Variants in PIEZO2 observed in about 807,000 individuals in gnomAD.
The protein encoded by PIEZO2 is piezo type mechanosensitive ion channel component 2.
A neutral mutation model predicts 337.3 loss-of-function variants in PIEZO2; 172 were observed. The ratio of observed to expected loss-of-function variants is 0.51; its 90% CI spans 0.45 to 0.58. The LOEUF is 0.58. Ranked by LOEUF, PIEZO2 falls within the 20% of genes least tolerant of loss-of-function variation. The pLI, the probability that PIEZO2 is intolerant of heterozygous loss-of-function variation, is 0.00. For synonymous variants in PIEZO2, 1,251 were observed against 1,228.5 expected, an observed-to-expected ratio of 1.02 and a Z score of -0.38; for missense variants, 3,028 against 3,391.3, an observed-to-expected ratio of 0.89 and a Z score of 2.66.
chr18:10,806,025 T>A (rs1368560890), intron 8 of PIEZO2, among the ~76,000 whole-genome samples: 1 of 152,248 alleles, frequency 6.6e-6, no homozygotes, highest in Non-Finnish European at 1.5e-5. Flanking sequence ...CTGAAGTCAT[T>A]GCTCTATGCT....
intron 7 of PIEZO2, among the ~76,000 whole-genome samples, chr18:10,812,663 T>A (rs1007570838): frequency 6.6e-6 from 1 of 152,094 alleles, no homozygotes; most frequent in Non-Finnish European, 1.5e-5. Context: ...TCTGGGGGCC[T>A]CCATGGACTC....
rs547481051 is a variant in PIEZO2 at position 10,934,330 on chromosome 18, C to T, written c.287-23102G>A. Among the ~76,000 whole-genome samples the T allele has an allele frequency of 3.9e-5, 6 of 152,288 alleles. No individual in the cohort carries two copies. The South Asian group carries it at 1.2e-3, about 32-fold the overall frequency. On this transcript the variant is annotated intron_variant, in intron 3 of 55. Coordinates refer to ENST00000674853, the MANE Select transcript of PIEZO2 (RefSeq NM_001378183.1). ...CATCCAGGAGTGAGGTTAAGTCCCT[C>T]CCTGCAAGTCATCACCAGGCGCAGA...
chr18:10,864,697 A>G lies in PIEZO2; in HGVS notation c.492+6556T>C, dbSNP rs1270927712. On this transcript the variant is annotated intron_variant, in intron 5 of 55. Coordinates refer to ENST00000674853, the MANE Select transcript of PIEZO2 (RefSeq NM_001378183.1). ...GGTCAATCAAGAGCAGTTCACCTAC[A>G]TATCAGTGTGCCCTGGCAAAGCCCC... 3.9e-5 allele frequency among the ~76,000 whole-genome samples: 6 copies of G among 152,254 alleles called. No homozygotes were observed. In the East Asian group the frequency reaches 9.6e-4, roughly 24 times the overall value.
Position 10,856,878 on chromosome 18 carries a change from C to CAAG in PIEZO2, c.703+122_703+123insCTT. ...CATGTGGCCAGTTTTACAAGAGCTA[C>CAAG]AGTTATGATATTCATGTGGTGGAAC... is the stretch of plus-strand genomic sequence containing the variant. On this transcript the variant is annotated intron_variant, in intron 6 of 55. Coordinates refer to ENST00000674853, the MANE Select transcript of PIEZO2 (RefSeq NM_001378183.1). This position sits in a 1 kb window ranked among gnomAD's most constrained non-coding sequence, Gnocchi z 4.7. The CAAG allele has an allele frequency of 1.1e-6, 1 of 908,438 alleles. No homozygotes were observed. Among genetic ancestry groups the CAAG allele is most frequent in the Non-Finnish European group, 1.7e-6 (1 of 603,742 alleles). 56.3% of individuals were successfully genotyped at this position (908,438 alleles called of 1,614,324 possible). A position where few individuals can be genotyped will look rare whatever the true frequency, so the allele number is the denominator to read the frequency against.
chr18:11,015,938 G>T (rs77843080), intron 2 of PIEZO2, among the ~76,000 whole-genome samples: 3 of 152,150 alleles, frequency 2.0e-5, no homozygotes, highest in African/African-American at 4.8e-5. Flanking sequence ...TTTTTGTAAG[G>T]CTTCTTTGTT....
In PIEZO2 at chr18:10,759,251, G is replaced by A. The variant is rs981489199; in HGVS notation, c.3757+231C>T. Among the ~76,000 whole-genome samples the A allele has an allele frequency of 2.6e-5, 4 of 151,650 alleles. No individual in the cohort carries two copies. Among genetic ancestry groups the A allele is most frequent in the Admixed American group, 6.6e-5 (1 of 15,222 alleles). ...TGTTTGTGTGTGTGTGTTGGGGGAA[G>A]TGAAATTATGCAAGTGAATATGGCA... On this transcript the variant is annotated intron_variant, in intron 26 of 55. Coordinates refer to ENST00000674853, the MANE Select transcript of PIEZO2 (RefSeq NM_001378183.1). The surrounding 1 kb of genome is among the most constrained non-coding windows in gnomAD (Gnocchi z 5.5).
intron 4 of PIEZO2, among the ~76,000 whole-genome samples, chr18:10,880,563 C>T (rs2042382851): frequency 6.6e-6 from 1 of 152,010 alleles, no homozygotes; most frequent in African/African-American, 2.4e-5. Context: ...GGGGGCAAAT[C>T]AGAGTTGGTG....
Position 10,726,302 on chromosome 18 carries a change from CCAGGTGGAG to C in PIEZO2, c.5029+5096_5029+5104del, listed in dbSNP as rs1442265500. The C allele has an allele frequency of 9.1e-7, 1 of 1,096,770 alleles. No individual in the cohort carries two copies. The highest frequency in any genetic ancestry group is 1.3e-6 in the Non-Finnish European group (1 of 762,380). The allele number at this position is 1,096,770 out of a possible 1,614,324, so 67.9% of individuals were successfully genotyped here. On this transcript the variant is annotated intron_variant, in intron 36 of 55. Transcript: ENST00000674853. This position sits in a 1 kb window ranked among gnomAD's most constrained non-coding sequence, Gnocchi z 5.9. ...GGAAGCGTCGCGGCCAGAGCCCCGG[CCAGGTGGAG>C]CAGGTGGGTCCCCGAACGCCCCGCC...
chr18:10,819,371 A>C lies in PIEZO2; in HGVS notation c.918-12097T>G, dbSNP rs555098563. Among the ~76,000 whole-genome samples, 9 of 152,322 alleles carry C rather than the reference A, an allele frequency of 5.9e-5. No homozygotes were observed. The South Asian group carries it at 1.9e-3, about 32-fold the overall frequency. On this transcript the variant is annotated intron_variant, in intron 7 of 55. Coordinates refer to ENST00000674853, the MANE Select transcript of PIEZO2 (RefSeq NM_001378183.1). This position sits in a 1 kb window ranked among gnomAD's most constrained non-coding sequence, Gnocchi z 4.3. ...TCTTTCATTATTCTAATGAATATCTATTCAAAAATAAAAAAGAATTAAAGA... is the reference window on the plus strand; with the variant it reads ...TCTTTCATTATTCTAATGAATATCTCTTCAAAAATAAAAAAGAATTAAAGA...
rs760582437 is a variant in PIEZO2 at position 10,784,845 on chromosome 18, G to A, written c.2431C>T (p.Arg811Trp). The part of the protein sequence containing the change: ...CILHLHYFHD[R>W]FLELTDLKSI... The stretch of plus-strand genomic sequence containing the variant: ...TTGAGGTCTGTGAGTTCAAGGAACC[G>A]GTCATGGAAGTAGTGCAGGTGTAAA... The change falls in exon 17 of 56, where the codon CGG (arginine) becomes TGG (tryptophan). Residue 811 changes from arginine (R) to tryptophan (W), a missense_variant. By Grantham distance (101) the Arg-to-Trp change is moderately radical (BLOSUM62 -3). This residue lies in a region of PIEZO2 where 1,925 missense variants were observed against 2,051.9 expected (regional missense o/e 0.94). Coordinates refer to ENST00000674853, the MANE Select transcript of PIEZO2 (RefSeq NM_001378183.1). This position sits in a 1 kb window ranked among gnomAD's most constrained non-coding sequence, Gnocchi z 4.5. 24 of 1,537,584 alleles carry A rather than the reference G, an allele frequency of 1.6e-5. No homozygotes were observed. Among genetic ancestry groups the A allele is most frequent in the South Asian group, 8.3e-5 (7 of 84,032 alleles).
At chr18:10,867,928 T>C (rs2042047749) in intron 5 of PIEZO2, among the ~76,000 whole-genome samples, 1 of 152,212 alleles carries the variant, frequency 6.6e-6, no homozygotes, top group African/African-American at 2.4e-5. Flanking sequence ...AAAGAACCTT[T>C]GATGACATTT....
At chr18:10,858,336 A>AC (rs576393545) in intron 5 of PIEZO2, among the ~76,000 whole-genome samples, 33,650 of 137,280 alleles carry the variant, frequency 0.25, 4,523 homozygotes, top group Middle Eastern at 0.25. Context: ...AAAAAAAAAA[A>AC]AAAAAAAAAA....
rs150212188 is a variant in PIEZO2 at position 10,916,741 on chromosome 18, C to T, written c.287-5513G>A. Among the ~76,000 whole-genome samples, 806 of 152,250 alleles carry T rather than the reference C, an allele frequency of 5.3e-3. 4 individuals carry two copies. The Middle Eastern group carries it at 0.075, about 14-fold the overall frequency. ...GAGACGCGCTCCCATAGTGCAGCAG[C>T]GGGCTGAAGGGCTTCTCAAGCATTG... is the stretch of plus-strand genomic sequence containing the variant. On this transcript the variant is annotated intron_variant, in intron 3 of 55. Transcript: ENST00000674853.
Position 11,035,033 on chromosome 18 carries a change from G to A in PIEZO2, c.160+31094C>T, listed in dbSNP as rs1254014225. On this transcript the variant is annotated intron_variant, in intron 2 of 55. Transcript: ENST00000674853. This position sits in a 1 kb window ranked among gnomAD's most constrained non-coding sequence, Gnocchi z 4.3. ...AGGTCTTCTCAGCCTGCAGAGCAAA[G>A]CAGAAGCAACCCCAGTTCCCAAATG... 6.6e-6 allele frequency among the ~76,000 whole-genome samples: 1 copy of A among 152,184 alleles called. No individual in the cohort carries two copies. The highest frequency in any genetic ancestry group is 1.5e-5 in the Non-Finnish European group (1 of 68,036).
At position 11,109,561 on chromosome 18, in the gene PIEZO2, C is replaced by CA. The variant is rs572341738; in HGVS notation, c.64+38963dup. Among the ~76,000 whole-genome samples the CA allele has an allele frequency of 7.3e-4, 111 of 152,072 alleles. No homozygotes were observed. The highest frequency in any genetic ancestry group is 1.1e-3 in the Non-Finnish European group (77 of 67,988). On this transcript the variant is annotated intron_variant, in intron 1 of 55. Transcript: ENST00000674853. The surrounding 1 kb of genome is among the most constrained non-coding windows in gnomAD (Gnocchi z 5.1). The stretch of plus-strand genomic sequence containing the variant: ...CGAAACCCCGTCTCTACTGAAAATA[C>CA]AAAAAAATTAGCCGGGCATGGTGGC...
At position 10,713,577 on chromosome 18, in the gene PIEZO2, A is replaced by T. The variant is rs937936867; in HGVS notation, c.5423+1187T>A. Among the ~76,000 whole-genome samples the T allele has an allele frequency of 6.6e-6, 1 of 152,170 alleles. No homozygotes were observed. Among genetic ancestry groups the T allele is most frequent in the Non-Finnish European group, 1.5e-5 (1 of 68,018 alleles). On this transcript the variant is annotated intron_variant, in intron 39 of 55. Coordinates refer to ENST00000674853, the MANE Select transcript of PIEZO2 (RefSeq NM_001378183.1). The surrounding 1 kb of genome is among the most constrained non-coding windows in gnomAD (Gnocchi z 4.5). ...TTTCTGACCAGCAGTCAGAGACACC[A>T]GTCTCTACTGTCCTCCCCAGGGCAA...
chr18:10,841,928 C>T (rs985782421), intron 7 of PIEZO2, among the ~76,000 whole-genome samples: 1 of 152,014 alleles, frequency 6.6e-6, no homozygotes, highest in Non-Finnish European at 1.5e-5. Context: ...CTTTGGGAGA[C>T]GGGTGGATCA....
Position 11,078,065 on chromosome 18 carries a change from C to G in PIEZO2, c.65-11843G>C, listed in dbSNP as rs2038608822. 6.7e-6 allele frequency among the ~76,000 whole-genome samples: 1 copy of G among 150,026 alleles called. No homozygotes were observed. The stretch of plus-strand genomic sequence containing the variant: ...ACACACCCACACACACACACACACA[C>G]ACCACACACACAAAAACAAACATAC... On this transcript the variant is annotated intron_variant, in intron 1 of 55. Transcript: ENST00000674853. The surrounding 1 kb of genome is among the most constrained non-coding windows in gnomAD (Gnocchi z 5.3).
Position 11,031,335 on chromosome 18 carries a change from A to G in PIEZO2, c.160+34792T>C, listed in dbSNP as rs1272788664. On this transcript the variant is annotated intron_variant, in intron 2 of 55. Coordinates refer to ENST00000674853, the MANE Select transcript of PIEZO2 (RefSeq NM_001378183.1). This position sits in a 1 kb window ranked among gnomAD's most constrained non-coding sequence, Gnocchi z 4.7. ...TTTAATAAGCCCATCAGGACCTTTC[A>G]TAACCTTACAGTTGTCTCCCCAGAA... is the stretch of plus-strand genomic sequence containing the variant. Among the ~76,000 whole-genome samples the G allele has an allele frequency of 6.6e-6, 1 of 151,794 alleles. No individual in the cohort carries two copies. The highest frequency in any genetic ancestry group is 1.9e-4 in the East Asian group (1 of 5,162).
Sources: gnomAD v4.1 joint callset for allele counts (sites outside exome capture counted in the v4.1 genomes callset) on GRCh38, gnomAD v4.1.1 for gene constraint, gnomAD v4.1.1 regional missense constraint, Gnocchi (gnomAD v3.1) non-coding constraint, MANE v1.5 for transcripts, NCBI Gene and HGNC (gene_info 2026-07-23, HGNC 2026-07-21) for gene names.